Variants in CIB4 observed in about 807,000 individuals in gnomAD.
CIB4 encodes calcium and integrin-binding family member 4.
In CIB4, 25 loss-of-function variants were observed where a neutral mutation model predicts 25.8. That is an observed-to-expected ratio of 0.97 (90% CI 0.71 to 1.35). The LOEUF (loss-of-function observed/expected upper bound fraction) is 1.35, where lower values mean the gene tolerates loss of function less well. CIB4 is among the 40% of genes most tolerant of loss of function. CIB4 has a pLI of 0.00. For missense variants in CIB4, 235 were observed against 228.2 expected, an observed-to-expected ratio of 1.03 and a Z score of -0.19; for synonymous variants, 75 against 81.4, an observed-to-expected ratio of 0.92 and a Z score of 0.42.
chr2:26,611,371 C>G (rs1051100871), intron 3 of CIB4, among the ~76,000 whole-genome samples: 1 of 152,178 alleles, frequency 6.6e-6, no homozygotes, highest in Non-Finnish European at 1.5e-5. Flanking sequence ...AAACCACATG[C>G]GAAGAGACCT....
chr2:26,634,063 T>C (rs1224651842), intron 2 of CIB4, among the ~76,000 whole-genome samples: 3 of 152,192 alleles, frequency 2.0e-5, no homozygotes, highest in Non-Finnish European at 4.4e-5. Flanking sequence ...GTAAGAATCA[T>C]GTAGGGAGTT....
intron 3 of CIB4, among the ~76,000 whole-genome samples, chr2:26,597,611 T>C (rs1668705178): frequency 6.6e-6 from 1 of 152,112 alleles, no homozygotes; most frequent in African/African-American, 2.4e-5. Context: ...AAAGGGAAAA[T>C]TGTTTGTTAA....
chr2:26,621,861 A>G (rs1392617610), intron 3 of CIB4, among the ~76,000 whole-genome samples: 1 of 152,238 alleles, frequency 6.6e-6, no homozygotes, highest in Non-Finnish European at 1.5e-5. Flanking sequence ...AAGGAAATGT[A>G]CAGGAAACTT....
chr2:26,625,772 C>A (rs1572568361), intron 3 of CIB4, among the ~76,000 whole-genome samples: 1 of 152,222 alleles, frequency 6.6e-6, no homozygotes, highest in East Asian at 1.9e-4. Flanking sequence ...GCTTTTGTTG[C>A]AATTGCTTTT....
rs1218252899 is a variant in CIB4, at chr2:26,589,096, T to TTCC, written c.329-5199_329-5198insGGA. Among the ~76,000 whole-genome samples the TTCC allele has an allele frequency of 2.2e-3, 134 of 61,116 alleles. 18 individuals are homozygous for TTCC. The highest frequency in any genetic ancestry group is 0.017 in the South Asian group (24 of 1,430). 40.1% of individuals were successfully genotyped at this position (61,116 alleles called of 152,430 possible). ...CCTCTTCTTCTTCTTCTTCTTCTTC[T>TTCC]TCTTCTTCTTCCTCTTCTTCTTCTT... On this transcript the variant is annotated intron_variant, in intron 4 of 6. Coordinates refer to ENST00000288861, the MANE Select transcript of CIB4 (RefSeq NM_001029881.3).
intron 3 of CIB4, among the ~76,000 whole-genome samples, chr2:26,599,501 C>T (rs994531123): frequency 1.3e-5 from 2 of 152,144 alleles, no homozygotes; most frequent in African/African-American, 4.8e-5. Context: ...CTCACCATTT[C>T]TCCAACTAGC....
rs2148185542 is a variant in CIB4, at chr2:26,582,831, A to G, written c.521T>C (p.Phe174Ser). The change falls in exon 6 of 7, where the codon TTC becomes TCC. Residue 174 changes from phenylalanine (F) to serine (S), a missense_variant. By Grantham distance (155) the Phe-to-Ser change is radical. Transcript: ENST00000288861. ...FEHAMAKSPD[F>S]MNSFRIHFWG... ...CCCCTCCAGAATGCCTTACTTCATG[A>G]AATCTGGAGACTTGGCCATTGCATG... The G allele has an allele frequency of 6.2e-7, 1 of 1,609,592 alleles. No homozygotes were observed. The highest frequency in any genetic ancestry group is 1.1e-5 in the South Asian group (1 of 90,946).
chr2:26,581,983 C>G (rs1351197337), intron 6 of CIB4, among the ~76,000 whole-genome samples: 1 of 152,240 alleles, frequency 6.6e-6, no homozygotes, highest in African/African-American at 2.4e-5. Context: ...CGTGCATGGT[C>G]TTATGTCTGA....
chr2:26,632,602 T>C (rs1669442302), intron 2 of CIB4, among the ~76,000 whole-genome samples: 2 of 151,632 alleles, frequency 1.3e-5, no homozygotes, highest in Admixed American at 1.3e-4. Flanking sequence ...ACCAAAAATA[T>C]AAAAAATTAG....
chr2:26,624,274 AGT>A (rs1326664118), intron 3 of CIB4, among the ~76,000 whole-genome samples: 1 of 152,214 alleles, frequency 6.6e-6, no homozygotes, highest in African/African-American at 2.4e-5. Context: ...TGTTCTGGGC[AGT>A]GTGAGTCACG....
chr2:26,609,469 GA>G (rs1183352177), intron 3 of CIB4, among the ~76,000 whole-genome samples: 4 of 152,240 alleles, frequency 2.6e-5, no homozygotes, highest in Admixed American at 2.6e-4. Context: ...AGATGTCAGT[GA>G]AGAGGCCGAG....
chr2:26,640,651 G>A, intron 1 of CIB4, 84 bp from the exon 2 acceptor site: 1 of 1,398,226 alleles, frequency 7.2e-7, no homozygotes, highest in Non-Finnish European at 9.9e-7. Context: ...TCAGAGGCTG[G>A]GGAGGAAATG....
rs1199846297 is a variant in CIB4, at chr2:26,627,739, T to C, written c.186+1671A>G. 6.6e-6 allele frequency among the ~76,000 whole-genome samples: 1 copy of C among 152,124 alleles called. No homozygotes were observed. The highest frequency in any genetic ancestry group is 1.5e-5 in the Non-Finnish European group (1 of 68,014). ...TTTCTTTCCCCTCCAGAATCCCAGC[T>C]TCTCCCAGCTACCCCCACCCACCTA... is the stretch of plus-strand genomic sequence containing the variant. On this transcript the variant is annotated intron_variant, in intron 3 of 6. Coordinates refer to ENST00000288861, the MANE Select transcript of CIB4 (RefSeq NM_001029881.3). The surrounding 1 kb of genome is among the most constrained non-coding windows in gnomAD (Gnocchi z 4.0).
At chr2:26,621,089 A>C (rs1300508663) in intron 3 of CIB4, among the ~76,000 whole-genome samples, 1 of 152,122 alleles carries the variant, frequency 6.6e-6, no homozygotes, top group Non-Finnish European at 1.5e-5. Flanking sequence ...GAAAGTTATC[A>C]ATGAAATAAT....
intron 2 of CIB4, among the ~76,000 whole-genome samples, chr2:26,639,373 T>G (rs1265891835): frequency 2.1e-5 from 3 of 141,128 alleles, no homozygotes; most frequent in East Asian, 2.3e-4. Context: ...CAGGCCCCAG[T>G]GTGTGATGTT....
At chr2:26,597,942 G>C (rs910164262) in intron 3 of CIB4, among the ~76,000 whole-genome samples, 1 of 150,782 alleles carries the variant, frequency 6.6e-6, no homozygotes, top group Non-Finnish European at 1.5e-5. Flanking sequence ...CAAAGGCCAA[G>C]CAGTGGCCAT....
chr2:26,616,724 C>T lies in CIB4; in HGVS notation c.186+12686G>A, dbSNP rs897770467. ...ACCACCCCGGCCACCAGCTCCTTCCCATCCTCCTTCCTCCTCCTACCACAC... is the reference window on the plus strand; with the variant it reads ...ACCACCCCGGCCACCAGCTCCTTCCTATCCTCCTTCCTCCTCCTACCACAC... On this transcript the variant is annotated intron_variant, in intron 3 of 6. Transcript: ENST00000288861. Among the ~76,000 whole-genome samples, 4 of 152,234 alleles carry T rather than the reference C, an allele frequency of 2.6e-5. No individual in the cohort carries two copies. The East Asian group carries it at 7.7e-4, about 29-fold the overall frequency.
At chr2:26,623,592 G>T (rs1359490862) in intron 3 of CIB4, 1 of 471,088 alleles carries the variant, frequency 2.1e-6, no homozygotes, top group Non-Finnish European at 4.4e-6. Flanking sequence ...AACCTTAGGG[G>T]CCATCCTGAC....
intron 3 of CIB4, among the ~76,000 whole-genome samples, chr2:26,625,274 T>C (rs1396264941): frequency 3.3e-5 from 5 of 151,550 alleles, no homozygotes; most frequent in Admixed American, 2.0e-4. Context: ...ACTTGTATTG[T>C]GGAGAAACCT....
Sources: allele counts gnomAD v4.1 joint callset (sites outside exome capture counted in the v4.1 genomes callset), GRCh38; gene constraint gnomAD v4.1.1; non-coding constraint Gnocchi (gnomAD v3.1); transcripts MANE v1.5; gene names NCBI Gene and HGNC (gene_info 2026-07-23, HGNC 2026-07-21).